Variants in NEURL4 observed in about 807,000 individuals in gnomAD.
NEURL4 encodes neuralized-like protein 4.
NEURL4 carries 45 observed loss-of-function variants against 148.0 expected under a neutral mutation model. The observed-to-expected ratio is 0.30, with a 90% CI of 0.24 to 0.39. The LOEUF (loss-of-function observed/expected upper bound fraction) is 0.39. Among genes scored for constraint, NEURL4 ranks in the 10% least tolerant of loss-of-function variants. The pLI is 1.00. For missense variants in NEURL4, 1,776 were observed against 2,144.0 expected (o/e 0.83, Z 3.39); for synonymous variants, 854 against 869.0 (o/e 0.98, Z 0.30).
Position 7,321,818 on chromosome 17 carries a change from T to C in NEURL4, c.2872-31A>G. On this transcript the variant is annotated intron_variant, in intron 17 of 28. Transcript: ENST00000399464. The surrounding 1 kb of genome is among the most constrained non-coding windows in gnomAD (Gnocchi z 6.3). Reference sequence around the variant, plus strand: ...AGACAGAGAAAACATAAGCTGGCCCTGTCGTGATGGGCCTCGCAGCCCCTC... The same window carrying C: ...AGACAGAGAAAACATAAGCTGGCCCCGTCGTGATGGGCCTCGCAGCCCCTC... 1 of 1,612,030 alleles carries C rather than the reference T, an allele frequency of 6.2e-7. No homozygotes were observed. Among genetic ancestry groups the C allele is most frequent in the Non-Finnish European group, 8.5e-7 (1 of 1,178,602 alleles).
At chr17:7,319,557 G>A (rs117916129) in intron 21 of NEURL4, among the ~76,000 whole-genome samples, 21,318 of 150,632 alleles carry the variant, frequency 0.14, 2,019 homozygotes, top group East Asian at 0.37. Flanking sequence ...AAAATTAGCC[G>A]GGCGTAGTGT....
rs756443670 is a variant in NEURL4, at chr17:7,324,392, C to G, written c.1899+3G>C. On this transcript the variant is annotated splice_donor_region_variant and intron_variant, in intron 10 of 28. Transcript: ENST00000399464. The surrounding 1 kb of genome is among the most constrained non-coding windows in gnomAD (Gnocchi z 5.9). ...CCGCCAGGCGGCGCACCCACTTTCC[C>G]ACCTTGAGGCGGTCCAGATTGTGCC... is the stretch of plus-strand genomic sequence containing the variant. 18 of 1,614,164 alleles carry G rather than the reference C, an allele frequency of 1.1e-5. No homozygotes were observed. Among genetic ancestry groups the G allele is most frequent in the Non-Finnish European group, 1.5e-5 (18 of 1,180,012 alleles).
In NEURL4 at chr17:7,327,587, C is replaced by A; in HGVS notation, c.580G>T (p.Asp194Tyr). The A allele has an allele frequency of 6.2e-7, 1 of 1,611,758 alleles. No homozygotes were observed. The highest frequency in any genetic ancestry group is 8.5e-7 in the Non-Finnish European group (1 of 1,179,828). The change falls in exon 2 of 29, where the codon GAC becomes TAC. Residue 194 changes from aspartate (D) to tyrosine (Y), a missense_variant. Asp to Tyr is a radical substitution (Grantham distance 160, BLOSUM62 -3). Coordinates refer to ENST00000399464, the MANE Select transcript of NEURL4 (RefSeq NM_032442.3). The surrounding 1 kb of genome is among the most constrained non-coding windows in gnomAD (Gnocchi z 6.6). ...ATCTGGGTGCACTTGCCATAAAGGT[C>A]CACGACGGCCCAGACACGAGGGGGC... ...GLPPRVWAVV[D>Y]LYGKCTQITV...
rs2073070155 is a variant in NEURL4 at position 7,324,189 on chromosome 17, C to A, written c.1981G>T (p.Ala661Ser). The change falls in exon 11 of 29, where the codon GCC (alanine) becomes TCC (serine). Residue 661 changes from alanine (A) to serine (S), a missense_variant. Ala to Ser is a moderately conservative substitution (Grantham distance 99). Transcript: ENST00000399464. This position sits in a 1 kb window ranked among gnomAD's most constrained non-coding sequence, Gnocchi z 5.9. ...FVNGMTQGPAAWNVPPGVYAV... is the reference protein window; with the variant it reads ...FVNGMTQGPASWNVPPGVYAV... Reference sequence around the variant, plus strand: ...TAGACGCCCGGGGGCACGTTCCAGGCAGCAGGGCCCTGAGTCATCCCATTG... The same window carrying A: ...TAGACGCCCGGGGGCACGTTCCAGGAAGCAGGGCCCTGAGTCATCCCATTG... 6.2e-7 allele frequency: 1 copy of A among 1,613,694 alleles called. No individual in the cohort carries two copies.
chr17:7,329,151 C>A lies in NEURL4; in HGVS notation c.162G>T (p.Leu54=), dbSNP rs755227228. 6 of 1,607,616 alleles carry A rather than the reference C, an allele frequency of 3.7e-6. No homozygotes were observed. Among genetic ancestry groups the A allele is most frequent in the Non-Finnish European group, 5.1e-6 (6 of 1,178,768 alleles). Residue 54 remains leucine, a synonymous_variant, in exon 1 of 29, where the codon CTG becomes CTT. Transcript: ENST00000399464. ...LHPRTGRLVS[L]SACGRTARRQ... Reference sequence around the variant, plus strand: ...GCCGCGCCGTACGCCCACAGGCCGACAGGCTCACCAAGCGCCCAGTGCGCG... The same window carrying A: ...GCCGCGCCGTACGCCCACAGGCCGAAAGGCTCACCAAGCGCCCAGTGCGCG...
chr17:7,327,310 T>C lies in NEURL4; in HGVS notation c.728-80A>G. On this transcript the variant is annotated intron_variant, in intron 2 of 28. Coordinates refer to ENST00000399464, the MANE Select transcript of NEURL4 (RefSeq NM_032442.3). This position sits in a 1 kb window ranked among gnomAD's most constrained non-coding sequence, Gnocchi z 6.6. Reference sequence around the variant, plus strand: ...CCATAGCCAGGAGAACCCCCCATCCTCTAGCTCCTGCTCTCCCATTCAACA... The same window carrying C: ...CCATAGCCAGGAGAACCCCCCATCCCCTAGCTCCTGCTCTCCCATTCAACA... The C allele has an allele frequency of 6.8e-7, 1 of 1,466,696 alleles. No homozygotes were observed. The highest frequency in any genetic ancestry group is 9.2e-7 in the Non-Finnish European group (1 of 1,090,316). 90.9% of individuals were successfully genotyped at this position (1,466,696 alleles called of 1,614,324 possible).
Position 7,318,426 on chromosome 17 carries a change from G to C in NEURL4, c.3864+69C>G. 3.7e-6 allele frequency: 6 copies of C among 1,611,182 alleles called. No homozygotes were observed. The highest frequency in any genetic ancestry group is 5.1e-6 in the Non-Finnish European group (6 of 1,177,846). ...GGCCTGCTGATCCCTCCCTGGAACA[G>C]AGATTTCCCCTGTCCTGGACAGCGC... On this transcript the variant is annotated intron_variant, in intron 23 of 28. Transcript: ENST00000399464. This position sits in a 1 kb window ranked among gnomAD's most constrained non-coding sequence, Gnocchi z 4.3.
chr17:7,315,917 C>G lies in NEURL4; in HGVS notation c.*206G>C, dbSNP rs1264363802. On this transcript the variant is annotated 3_prime_UTR_variant, in exon 29 of 29. Coordinates refer to ENST00000399464, the MANE Select transcript of NEURL4 (RefSeq NM_032442.3). ...CTGGAGCTGGGCTCCCACGACTCCT[C>G]CCATCAGACGGAGTGCTGGGCCTCC... 10 of 597,374 alleles carry G rather than the reference C, an allele frequency of 1.7e-5. No individual in the cohort carries two copies. The highest frequency in any genetic ancestry group is 6.0e-5 in the South Asian group (3 of 50,146). The allele number at this position is 597,374 out of a possible 1,614,324, so 37.0% of individuals were successfully genotyped here.
In NEURL4 at chr17:7,323,125, TG is replaced by T; in HGVS notation, c.2418-3del. The T allele has an allele frequency of 6.2e-7, 1 of 1,608,852 alleles. No individual in the cohort carries two copies. The highest frequency in any genetic ancestry group is 8.5e-7 in the Non-Finnish European group (1 of 1,176,184). On this transcript the variant is annotated splice_region_variant and splice_polypyrimidine_tract_variant and intron_variant, in intron 14 of 28. Coordinates refer to ENST00000399464, the MANE Select transcript of NEURL4 (RefSeq NM_032442.3). The stretch of plus-strand genomic sequence containing the variant: ...CCGTCTTGCATGATGGCTGTACCAC[TG>T]GGGGGATGGCAGAAGGGGTGAGTCA...
In NEURL4 at chr17:7,324,947, C is replaced by A. The variant is rs375039727; in HGVS notation, c.1665G>T (p.Leu555=). 13 of 1,614,186 alleles carry A rather than the reference C, an allele frequency of 8.1e-6. No homozygotes were observed. In the Middle Eastern group the frequency reaches 9.9e-4, roughly 123 times the overall value. ...CTCCATCCCGCAGGGCTCTGCTGCT[C>A]AGCACCACGCCGTGATTGAAGTCAT... ...ATDDFNHGVV[L]SSRALRDGEV... The change falls in exon 9 of 29, where the codon CTG becomes CTT. Residue 555 remains leucine (L), a synonymous_variant. Transcript: ENST00000399464. The surrounding 1 kb of genome is among the most constrained non-coding windows in gnomAD (Gnocchi z 5.9).
Position 7,321,011 on chromosome 17 carries a change from A to G in NEURL4, c.3361-88T>C. The G allele has an allele frequency of 6.3e-7, 1 of 1,591,180 alleles. No individual in the cohort carries two copies. The highest frequency in any genetic ancestry group is 1.7e-5 in the Admixed American group (1 of 58,252). ...GGAGTTTGCACAGATCCTGAGTGTG[A>G]GCCTCCACCCAACGATCAGAGAACC... On this transcript the variant is annotated intron_variant, in intron 20 of 28. Transcript: ENST00000399464. This position sits in a 1 kb window ranked among gnomAD's most constrained non-coding sequence, Gnocchi z 6.3.
In NEURL4 at chr17:7,318,039, C is replaced by A; in HGVS notation, c.4060+26G>T. The A allele has an allele frequency of 6.2e-7, 1 of 1,613,890 alleles. No homozygotes were observed. The highest frequency in any genetic ancestry group is 1.1e-5 in the South Asian group (1 of 91,046). ...CTAGGCCTGGCCCTGGGAATGAAGT[C>A]AGTTCTGGCGGACTGTGGGACTCAC... On this transcript the variant is annotated intron_variant, in intron 25 of 28. Coordinates refer to ENST00000399464, the MANE Select transcript of NEURL4 (RefSeq NM_032442.3). This position sits in a 1 kb window ranked among gnomAD's most constrained non-coding sequence, Gnocchi z 4.3.
chr17:7,318,796 G>T lies in NEURL4; in HGVS notation c.3685-122C>A, dbSNP rs2072987462. 1 of 1,152,778 alleles carries T rather than the reference G, an allele frequency of 8.7e-7. No individual in the cohort carries two copies. Among genetic ancestry groups the T allele is most frequent in the Non-Finnish European group, 1.2e-6 (1 of 827,164 alleles). The allele number at this position is 1,152,778 out of a possible 1,614,324, so 71.4% of individuals were successfully genotyped here. A position where few individuals can be genotyped will look rare whatever the true frequency, so the allele number is the denominator to read the frequency against. ...GCCTCCATGCTTGCCCACTGCCGAG[G>T]TTCTCCTCCCACTGCAGTTACCTAG... On this transcript the variant is annotated intron_variant, in intron 22 of 28. Transcript: ENST00000399464. The surrounding 1 kb of genome is among the most constrained non-coding windows in gnomAD (Gnocchi z 4.3).
chr17:7,323,958 C>T lies in NEURL4; in HGVS notation c.2117G>A (p.Ser706Asn), dbSNP rs777926428. The change falls in exon 12 of 29, where the codon AGC becomes AAC. Residue 706 changes from serine (S) to asparagine (N), a missense_variant. By Grantham distance (46) the Ser-to-Asn change is conservative (BLOSUM62 1). Coordinates refer to ENST00000399464, the MANE Select transcript of NEURL4 (RefSeq NM_032442.3). ...LPEGNNQVSP[S>N]SPSSGAGGSD... is the part of the protein sequence containing the mutation. ...GCCCCCGGCCCCTGAGGACGGAGAG[C>T]TTGGAGACACCTGGTTGTTCCCCTC... 15 of 1,612,714 alleles carry T rather than the reference C, an allele frequency of 9.3e-6. No homozygotes were observed. Among genetic ancestry groups the T allele is most frequent in the Non-Finnish European group, 1.3e-5 (15 of 1,180,010 alleles).
chr17:7,320,723 A>G (rs774217659), intron 21 of NEURL4, 36 bp downstream of exon 21: 1 of 1,593,330 alleles, frequency 6.3e-7, no homozygotes, highest in Non-Finnish European at 8.6e-7. Flanking sequence ...GTCACTGTGG[A>G]GCGAGAGAAG....
In NEURL4 at chr17:7,325,792, A is replaced by T. The variant is rs1465902797; in HGVS notation, c.1294-79T>A. 4 of 1,206,740 alleles carry T rather than the reference A, an allele frequency of 3.3e-6. No homozygotes were observed. The Admixed American group carries it at 6.7e-5, about 20-fold the overall frequency. The allele number at this position is 1,206,740 out of a possible 1,614,324, so 74.8% of individuals were successfully genotyped here. A position where few individuals can be genotyped will look rare whatever the true frequency, so the allele number is the denominator to read the frequency against. ...CACTCCACACAGGAACAACTCCAGA[A>T]GGTATTCGTGAGAGTCTCAGACCAC... On this transcript the variant is annotated intron_variant, in intron 6 of 28. Transcript: ENST00000399464.
At chr17:7,319,714 A>C (rs1001228200) in intron 21 of NEURL4, among the ~76,000 whole-genome samples, 23 of 106,180 alleles carry the variant, frequency 2.2e-4, no homozygotes, top group Non-Finnish European at 4.2e-4. Flanking sequence ...AAAAACAAAA[A>C]AACAAAAAAA....
At position 7,317,367 on chromosome 17, in the gene NEURL4, G is replaced by C. The variant is rs372503142; in HGVS notation, c.4322C>G (p.Thr1441Ser). The change falls in exon 28 of 29, where the codon ACT becomes AGT. Residue 1441 changes from threonine to serine, a missense_variant. Physicochemically the swap from Thr to Ser is moderately conservative, Grantham distance 58. Transcript: ENST00000399464. The stretch of plus-strand genomic sequence containing the variant: ...AGGACGGCAGCTCAGGATGGAGGCA[G>C]TACCTGGGAGGAGAACTGGGTCAGG... ...VLDRGELGAG[T>S]ASILSCRPLK... 7.6e-6 allele frequency: 12 copies of C among 1,578,288 alleles called. No individual in the cohort carries two copies. In the African/African-American group the frequency reaches 1.1e-4, roughly 14 times the overall value.
Position 7,318,625 on chromosome 17 carries a change from A to T in NEURL4, c.3734T>A (p.Ile1245Asn), listed in dbSNP as rs778871451. The part of the protein sequence containing the change: ...PNLDTCPEGT[I>N]LGLRLDSSGG... The stretch of plus-strand genomic sequence containing the variant: ...AGAGCTGTCCAGCCGCAGTCCCAGG[A>T]TGGTGCCTTCAGGGCACGTGTCCAG... The change falls in exon 23 of 29, where the codon ATC becomes AAC. Residue 1245 changes from isoleucine (I) to asparagine (N), a missense_variant. Ile to Asn is a moderately radical substitution (Grantham distance 149, BLOSUM62 -3). Transcript: ENST00000399464. The surrounding 1 kb of genome is among the most constrained non-coding windows in gnomAD (Gnocchi z 4.3). The T allele has an allele frequency of 6.2e-6, 10 of 1,613,986 alleles. No individual in the cohort carries two copies. The South Asian group carries it at 8.8e-5, about 14-fold the overall frequency.
Sources: allele counts gnomAD v4.1 joint callset (sites outside exome capture counted in the v4.1 genomes callset), GRCh38; gene constraint gnomAD v4.1.1; non-coding constraint Gnocchi (gnomAD v3.1); transcripts MANE v1.5; gene names NCBI Gene and HGNC (gene_info 2026-07-23, HGNC 2026-07-21).